The following NT5DC1 variants were observed in gnomAD, a reference collection of about 807,000 sequenced individuals.
NT5DC1 encodes 5'-nucleotidase domain-containing protein 1.
In NT5DC1, 42 loss-of-function variants were observed where a neutral mutation model predicts 59.4. That is an observed-to-expected ratio of 0.71 (90% CI 0.55 to 0.92). The LOEUF (loss-of-function observed/expected upper bound fraction) is 0.92, where lower values mean the gene tolerates loss of function less well. Among genes scored for constraint, NT5DC1 ranks in the 40% least tolerant of loss-of-function variants. NT5DC1 has a pLI of 0.00. For synonymous variants in NT5DC1, 172 were observed against 188.1 expected, an observed-to-expected ratio of 0.91 and a Z score of 0.70; for missense variants, 501 against 537.1, an observed-to-expected ratio of 0.93 and a Z score of 0.66.
intron 6 of NT5DC1, among the ~76,000 whole-genome samples, chr6:116,118,279 T>C (rs1341064378): frequency 6.6e-6 from 1 of 152,120 alleles, no homozygotes; most frequent in East Asian, 1.9e-4. Flanking sequence ...ACCATTAGTG[T>C]AGTAGTTATA....
At chr6:116,136,582 T>C (rs1168751669) in intron 6 of NT5DC1, among the ~76,000 whole-genome samples, 1 of 152,180 alleles carries the variant, frequency 6.6e-6, no homozygotes. Flanking sequence ...CCACACCACA[T>C]AACACTTACT....
intron 6 of NT5DC1, among the ~76,000 whole-genome samples, chr6:116,212,980 G>T (rs1284077820): frequency 3.3e-5 from 5 of 152,074 alleles, no homozygotes; most frequent in African/African-American, 1.2e-4. Flanking sequence ...AAACAATTTA[G>T]AGCCTGTTTA....
At chr6:116,222,720 A>C (rs78299506) in intron 7 of NT5DC1, among the ~76,000 whole-genome samples, 6,042 of 152,242 alleles carry the variant, frequency 0.04, 409 homozygotes, top group African/African-American at 0.14. Flanking sequence ...GATTTTCCAA[A>C]TATTTCCAGC....
intron 6 of NT5DC1, among the ~76,000 whole-genome samples, chr6:116,173,433 GA>G (rs1416882776): frequency 6.6e-6 from 1 of 152,302 alleles, no homozygotes; most frequent in African/African-American, 2.4e-5. Context: ...TTGGACAGCA[GA>G]ACAGAATCCT....
chr6:116,111,060 G>C, intron 4 of NT5DC1, 104 bp downstream of exon 4: 1 of 732,680 alleles, frequency 1.4e-6, no homozygotes, highest in Non-Finnish European at 2.3e-6. Context: ...CTGCTGGGCA[G>C]GATGCCAAAG....
At chr6:116,212,077 T>G (rs1781590880) in intron 6 of NT5DC1, among the ~76,000 whole-genome samples, 1 of 152,116 alleles carries the variant, frequency 6.6e-6, no homozygotes, top group African/African-American at 2.4e-5. Flanking sequence ...ATCAAAGAAA[T>G]TATTTCATTA....
intron 6 of NT5DC1, among the ~76,000 whole-genome samples, chr6:116,128,820 C>T (rs1313518765): frequency 6.6e-6 from 1 of 152,108 alleles, no homozygotes; most frequent in Non-Finnish European, 1.5e-5. Context: ...TCATGATGGC[C>T]TCCTAAGTTA....
In NT5DC1 at chr6:116,169,696, C is replaced by G. The variant is rs563028653; in HGVS notation, c.530-51358C>G. ...GATAAAACATGAGGAATGAAGAGTT[C>G]TATTTTGGACCTCTTGGGTTTGAGA... On this transcript the variant is annotated intron_variant, in intron 6 of 11. Transcript: ENST00000319550. Among the ~76,000 whole-genome samples, 14 of 152,156 alleles carry G rather than the reference C, an allele frequency of 9.2e-5. No homozygotes were observed. In the South Asian group the frequency reaches 2.9e-3, roughly 32 times the overall value.
chr6:116,140,391 T>C (rs1264673081), intron 6 of NT5DC1, among the ~76,000 whole-genome samples: 2 of 152,148 alleles, frequency 1.3e-5, no homozygotes, highest in African/African-American at 4.8e-5. Context: ...CATTCCTGGT[T>C]TCCACAATTT....
At chr6:116,221,304 T>C (rs1781799827) in intron 7 of NT5DC1, 76 bp downstream of exon 7, 2 of 852,528 alleles carry the variant, frequency 2.3e-6, no homozygotes, top group East Asian at 2.4e-5. Flanking sequence ...TTTTTAAAAG[T>C]GTCAGCCATG....
intron 6 of NT5DC1, among the ~76,000 whole-genome samples, chr6:116,191,909 A>G (rs75029197): frequency 0.012 from 1,852 of 152,180 alleles, 21 homozygotes; most frequent in Non-Finnish European, 0.02. Flanking sequence ...AAATCAAATC[A>G]GTTTTGCTGC....
chr6:116,122,023 T>A (rs1779147536), intron 6 of NT5DC1: 1 of 1,378,044 alleles, frequency 7.3e-7, no homozygotes, highest in Non-Finnish European at 1.0e-6. Flanking sequence ...TTAAAGAGAA[T>A]CATTGCCTTT....
chr6:116,194,364 T>C (rs1256545816), intron 6 of NT5DC1, among the ~76,000 whole-genome samples: 1 of 152,112 alleles, frequency 6.6e-6, no homozygotes, highest in African/African-American at 2.4e-5. Context: ...TATTTACCTT[T>C]AATTTTTAGG....
intron 6 of NT5DC1, among the ~76,000 whole-genome samples, chr6:116,128,046 T>A (rs1253427142): frequency 6.6e-6 from 1 of 152,154 alleles, no homozygotes; most frequent in Non-Finnish European, 1.5e-5. Flanking sequence ...CATGGTCAGA[T>A]GGTAGACTTG....
At chr6:116,105,172 A>G (rs1469175906) in intron 1 of NT5DC1, among the ~76,000 whole-genome samples, 1 of 152,184 alleles carries the variant, frequency 6.6e-6, no homozygotes, top group Non-Finnish European at 1.5e-5. Flanking sequence ...CCATGCTCAT[A>G]TCCTGACACT....
intron 11 of NT5DC1, among the ~76,000 whole-genome samples, chr6:116,241,565 C>A (rs957520926): frequency 2.6e-5 from 4 of 152,074 alleles, no homozygotes; most frequent in African/African-American, 9.7e-5. Flanking sequence ...TATACATATA[C>A]CAAGCTAATA....
At chr6:116,178,138 C>G (rs1239746953) in intron 6 of NT5DC1, among the ~76,000 whole-genome samples, 1 of 140,322 alleles carries the variant, frequency 7.1e-6, no homozygotes, top group Non-Finnish European at 1.5e-5. Context: ...TGTGTGTTTA[C>G]TAGTGGGACT....
chr6:116,141,435 CA>C (rs1247170074), intron 6 of NT5DC1, among the ~76,000 whole-genome samples: 1 of 152,034 alleles, frequency 6.6e-6, no homozygotes, highest in Non-Finnish European at 1.5e-5. Context: ...CTCCATTGTT[CA>C]AAATAATTCA....
chr6:116,172,587 T>G (rs1325539621), intron 6 of NT5DC1, among the ~76,000 whole-genome samples: 1 of 152,148 alleles, frequency 6.6e-6, no homozygotes. Context: ...CCCAAAGTGC[T>G]GGGATTACAG....
Sources: allele counts gnomAD v4.1 joint callset (sites outside exome capture counted in the v4.1 genomes callset), GRCh38; gene constraint gnomAD v4.1.1; transcripts MANE v1.5; gene names NCBI Gene and HGNC (gene_info 2026-07-23, HGNC 2026-07-21).